NTM: variants seen among roughly 807,000 people sequenced by gnomAD.
NTM encodes the protein IgLON family member 2.
In NTM, 13 loss-of-function variants were observed where a neutral mutation model predicts 42.1. The ratio of observed to expected loss-of-function variants is 0.31; its 90% CI spans 0.20 to 0.49. NTM has a LOEUF of 0.49. NTM is among the 20% of genes least tolerant of loss of function. The pLI, the probability that NTM is intolerant of heterozygous loss-of-function variation, is 0.99. For synonymous variants in NTM, 187 were observed against 179.2 expected, an observed-to-expected ratio of 1.04 and a Z score of -0.35; for missense variants, 373 against 452.8, an observed-to-expected ratio of 0.82 and a Z score of 1.60.
rs534555660 is a variant in NTM at position 132,045,615 on chromosome 11, A to T, written c.168-100667A>T. On this transcript the variant is annotated intron_variant, in intron 2 of 8. Transcript: ENST00000683400. ...CCACCATTTTCTTAGGTTTAATCCA[A>T]CCAGAAAGGTACGGGATATACTTAG... Among the ~76,000 whole-genome samples, 4 of 152,316 alleles carry T rather than the reference A, an allele frequency of 2.6e-5. No homozygotes were observed. In the South Asian group the frequency reaches 8.3e-4, roughly 32 times the overall value.
chr11:131,639,197 A>G (rs1366590638), intron 1 of NTM, among the ~76,000 whole-genome samples: 1 of 152,214 alleles, frequency 6.6e-6, no homozygotes, highest in Non-Finnish European at 1.5e-5. Flanking sequence ...TGTATTCTAG[A>G]ATGTTAAGAC....
chr11:132,254,867 TG>T (rs1202229135), intron 4 of NTM, among the ~76,000 whole-genome samples: 4 of 152,164 alleles, frequency 2.6e-5, no homozygotes. Flanking sequence ...TTTCTTCTTG[TG>T]GGGGCTGTTC....
At chr11:131,589,713 C>T (rs1401682705) in intron 1 of NTM, among the ~76,000 whole-genome samples, 2 of 152,162 alleles carry the variant, frequency 1.3e-5, no homozygotes, top group Non-Finnish European at 2.9e-5. Flanking sequence ...CCTGCATCCA[C>T]ACATACACAC....
At chr11:131,426,833 T>C (rs1399956519) in intron 1 of NTM, among the ~76,000 whole-genome samples, 2 of 152,012 alleles carry the variant, frequency 1.3e-5, no homozygotes, top group Non-Finnish European at 2.9e-5. Flanking sequence ...GTGGAGTAAA[T>C]TGAGTTCACT....
intron 2 of NTM, among the ~76,000 whole-genome samples, chr11:131,914,429 G>T (rs1384097850): frequency 6.6e-6 from 1 of 152,076 alleles, no homozygotes; most frequent in East Asian, 1.9e-4. Context: ...TCTTCCTATG[G>T]GTGATTGGGT....
At chr11:132,103,685 T>C (rs2061911608) in intron 2 of NTM, among the ~76,000 whole-genome samples, 1 of 152,174 alleles carries the variant, frequency 6.6e-6, no homozygotes, top group Admixed American at 6.5e-5. Flanking sequence ...AAAGGGAAGG[T>C]AGTGTGCATA....
At chr11:132,111,423 G>T (rs2063186310) in intron 2 of NTM, among the ~76,000 whole-genome samples, 1 of 152,128 alleles carries the variant, frequency 6.6e-6, no homozygotes, top group African/African-American at 2.4e-5. Flanking sequence ...CACAAGATAA[G>T]TGAACAGAAG....
At chr11:132,173,988 G>A (rs1048567096) in intron 3 of NTM, among the ~76,000 whole-genome samples, 4 of 152,146 alleles carry the variant, frequency 2.6e-5, no homozygotes, top group Admixed American at 2.6e-4. Flanking sequence ...AAATGAGTGT[G>A]TCCTACTCTC....
At chr11:131,504,217 TCGCA>T (rs2047199916) in intron 1 of NTM, among the ~76,000 whole-genome samples, 1 of 152,166 alleles carries the variant, frequency 6.6e-6, no homozygotes, top group Admixed American at 6.5e-5. Flanking sequence ...TATCTCTGTC[TCGCA>T]CAGCGCATGC....
intron 1 of NTM, among the ~76,000 whole-genome samples, chr11:131,606,363 G>T (rs2060961372): frequency 1.3e-5 from 2 of 152,148 alleles, no homozygotes; most frequent in Admixed American, 1.3e-4. Context: ...GCTGACGGCT[G>T]TATTTTCTGC....
intron 1 of NTM, among the ~76,000 whole-genome samples, chr11:131,753,195 C>A (rs1477348368): frequency 1.3e-5 from 2 of 152,110 alleles, no homozygotes; most frequent in African/African-American, 4.8e-5. Context: ...AATGAGATAC[C>A]ATCTCACACC....
intron 1 of NTM, among the ~76,000 whole-genome samples, chr11:131,821,217 C>A (rs1565593556): frequency 6.6e-6 from 1 of 152,188 alleles, no homozygotes; most frequent in Non-Finnish European, 1.5e-5. Flanking sequence ...TGTCAAGAAG[C>A]ATTACCATCA....
At chr11:131,472,854 C>T (rs948142582) in intron 1 of NTM, among the ~76,000 whole-genome samples, 2 of 152,102 alleles carry the variant, frequency 1.3e-5, no homozygotes, top group African/African-American at 4.8e-5. Flanking sequence ...ACTCCGAAGC[C>T]CACATTACTT....
At chr11:131,695,664 G>A (rs1592596054) in intron 1 of NTM, among the ~76,000 whole-genome samples, 2 of 152,238 alleles carry the variant, frequency 1.3e-5, no homozygotes, top group African/African-American at 2.4e-5. Flanking sequence ...CAACTTCACC[G>A]GCATGCCCAC....
rs2095508542 is a variant in NTM, at chr11:132,319,408, T to G, written c.934+4705T>G. 2.6e-5 allele frequency among the ~76,000 whole-genome samples: 4 copies of G among 151,954 alleles called. No homozygotes were observed. In the South Asian group the frequency reaches 8.4e-4, roughly 32 times the overall value. On this transcript the variant is annotated intron_variant, in intron 7 of 8. Coordinates refer to ENST00000683400, the MANE Select transcript of NTM (RefSeq NM_001352005.2). ...GACCGTCGGCACCTGGAAAATCGAG[T>G]CACTCCCACCCTAATACTGTGCTTT...
intron 3 of NTM, among the ~76,000 whole-genome samples, chr11:132,178,980 G>A (rs2138002960): frequency 6.6e-6 from 1 of 152,206 alleles, no homozygotes; most frequent in Non-Finnish European, 1.5e-5. Context: ...TAAGTAAGCG[G>A]GATTTACTTT....
intron 1 of NTM, among the ~76,000 whole-genome samples, chr11:131,736,502 AGCCCTTTCT>A (rs985400146): frequency 8.5e-5 from 13 of 152,184 alleles, no homozygotes; most frequent in African/African-American, 2.4e-4. Context: ...TGGGAGGCGT[AGCCCTTTCT>A]GCCCTTTCTG....
At chr11:131,794,733 T>A in intron 1 of NTM, 1 of 985,418 alleles carries the variant, frequency 1.0e-6, no homozygotes. Context: ...CAGAGATAGC[T>A]TGTGTAGGAC....
At chr11:131,882,641 G>A (rs543358953) in intron 1 of NTM, among the ~76,000 whole-genome samples, 2 of 152,244 alleles carry the variant, frequency 1.3e-5, no homozygotes, top group Non-Finnish European at 2.9e-5. Flanking sequence ...AGTGGGGTTT[G>A]GACTGAGCCT....
Sources: gnomAD v4.1 joint callset for allele counts (sites outside exome capture counted in the v4.1 genomes callset) on GRCh38, gnomAD v4.1.1 for gene constraint, MANE v1.5 for transcripts, NCBI Gene and HGNC (gene_info 2026-07-23, HGNC 2026-07-21) for gene names.